TTC28: variants seen among roughly 807,000 people sequenced by gnomAD.
TTC28 encodes the protein tetratricopeptide repeat protein 28.
A neutral mutation model predicts 198.0 loss-of-function variants in TTC28; 61 were observed. The ratio of observed to expected loss-of-function variants is 0.31; its 90% CI spans 0.25 to 0.38. TTC28 has a LOEUF of 0.38. Ranked by LOEUF, TTC28 falls within the 10% of genes least tolerant of loss-of-function variation. TTC28 has a pLI of 1.00. For missense variants in TTC28, 2,678 were observed against 3,164.0 expected (o/e 0.85, Z 3.69); for synonymous variants, 1,171 against 1,297.8 (o/e 0.90, Z 2.10).
At chr22:28,452,350 AC>A (rs2047793265) in intron 2 of TTC28, among the ~76,000 whole-genome samples, 2 of 127,314 alleles carry the variant, frequency 1.6e-5, no homozygotes, top group African/African-American at 6.0e-5. Flanking sequence ...AGATTGTGCC[AC>A]TGCACTCCAG....
chr22:28,587,340 A>C lies in TTC28; in HGVS notation c.381+42212T>G, dbSNP rs2050336672. On this transcript the variant is annotated intron_variant, in intron 2 of 22. Coordinates refer to ENST00000397906, the MANE Select transcript of TTC28 (RefSeq NM_001145418.2). ...AGCGGAAATCGTGCCACTGCACTCC[A>C]ACCTGGGTGTGAGAGTCTGTCTCAA... 4.6e-5 allele frequency among the ~76,000 whole-genome samples: 7 copies of C among 152,214 alleles called. No individual in the cohort carries two copies. The South Asian group carries it at 1.4e-3, about 32-fold the overall frequency.
At chr22:28,240,047 G>A (rs1309263021) in intron 5 of TTC28, among the ~76,000 whole-genome samples, 2 of 152,212 alleles carry the variant, frequency 1.3e-5, no homozygotes, top group Non-Finnish European at 2.9e-5. Context: ...CTAGATGACA[G>A]AAATGAATGA....
chr22:28,332,039 C>T (rs1329018020), intron 2 of TTC28, among the ~76,000 whole-genome samples: 1 of 152,090 alleles, frequency 6.6e-6, no homozygotes, highest in Non-Finnish European at 1.5e-5. Flanking sequence ...CTGACACTTG[C>T]ATATGAGTCT....
chr22:28,491,347 T>A (rs2048374481), intron 2 of TTC28, among the ~76,000 whole-genome samples: 1 of 152,114 alleles, frequency 6.6e-6, no homozygotes, highest in Non-Finnish European at 1.5e-5. Context: ...AGAAAATTTT[T>A]GCAATCTACT....
chr22:28,552,606 T>C (rs887365675), intron 2 of TTC28, among the ~76,000 whole-genome samples: 2 of 151,916 alleles, frequency 1.3e-5, no homozygotes, highest in Non-Finnish European at 2.9e-5. Flanking sequence ...TTTGGCAAAG[T>C]AAACAAAAAC....
chr22:28,100,938 AGCAGT>A (rs1942127761), intron 9 of TTC28, among the ~76,000 whole-genome samples: 1 of 152,236 alleles, frequency 6.6e-6, no homozygotes, highest in Non-Finnish European at 1.5e-5. Context: ...GGGGAGCAAT[AGCAGT>A]TAATATAAAA....
intron 5 of TTC28, among the ~76,000 whole-genome samples, chr22:28,284,320 G>T (rs1276023319): frequency 6.6e-6 from 1 of 152,114 alleles, no homozygotes; most frequent in Non-Finnish European, 1.5e-5. Flanking sequence ...AAATATATGG[G>T]AAGTGCTGTA....
Position 28,237,860 on chromosome 22 carries a change from C to A in TTC28, c.933+58338G>T, listed in dbSNP as rs542452759. 3.9e-5 allele frequency among the ~76,000 whole-genome samples: 6 copies of A among 152,230 alleles called. No individual in the cohort carries two copies. In the South Asian group the frequency reaches 1.2e-3, roughly 32 times the overall value. ...GTTGACTTCACCTCTATTTTTGAAG[C>A]AGATTTTTGCTAGATACTGAATTCT... On this transcript the variant is annotated intron_variant, in intron 5 of 22. Coordinates refer to ENST00000397906, the MANE Select transcript of TTC28 (RefSeq NM_001145418.2).
In TTC28 at chr22:27,983,206, TTGC is replaced by T. The variant is rs901079272; in HGVS notation, c.6458_6460del (p.Ser2153del). ...TAACTCTTGTGGATCCAGTTTTGGG[TTGC>T]TTTCTTCTTGGGATTTCACGGTACT... On this transcript the variant is annotated inframe_deletion, in exon 23 of 23. Transcript: ENST00000397906. The T allele has an allele frequency of 1.0e-5, 16 of 1,551,696 alleles. No individual in the cohort carries two copies. Among genetic ancestry groups the T allele is most frequent in the Middle Eastern group, 1.7e-4 (1 of 6,014 alleles).
intron 9 of TTC28, among the ~76,000 whole-genome samples, chr22:28,100,679 G>A (rs1942116198): frequency 6.6e-6 from 1 of 152,132 alleles, no homozygotes; most frequent in South Asian, 2.1e-4. Context: ...GATCTTAGAT[G>A]CAGCCATCTC....
chr22:28,253,295 T>C (rs1431663297), intron 5 of TTC28, among the ~76,000 whole-genome samples: 3 of 152,190 alleles, frequency 2.0e-5, no homozygotes, highest in African/African-American at 7.2e-5. Flanking sequence ...AGATAAATAG[T>C]TATAGTTCTG....
chr22:28,607,152 G>A (rs1035491907), intron 2 of TTC28, among the ~76,000 whole-genome samples: 1 of 152,116 alleles, frequency 6.6e-6, no homozygotes, highest in Non-Finnish European at 1.5e-5. Flanking sequence ...GCATCGTCCT[G>A]TCACATTTTT....
At chr22:28,414,956 T>C (rs1297049337) in intron 2 of TTC28, among the ~76,000 whole-genome samples, 2 of 152,228 alleles carry the variant, frequency 1.3e-5, no homozygotes, top group African/African-American at 4.8e-5. Flanking sequence ...ACTTTTAATA[T>C]TTTAATCGCA....
chr22:28,494,322 A>G (rs2048422188), intron 2 of TTC28, among the ~76,000 whole-genome samples: 1 of 152,216 alleles, frequency 6.6e-6, no homozygotes, highest in African/African-American at 2.4e-5. Context: ...CATCAATCTA[A>G]GATGGTTCCA....
rs1937101360 is a variant in TTC28, at chr22:27,983,673, A to G, written c.5994T>C (p.Ile1998=). ...DAISVYSLSS[I]ASSMSFVSKP... The stretch of plus-strand genomic sequence containing the variant: ...TGGAGACAAAGCTCATTGAGGAGGC[A>G]ATGGAGCTCAGACTGTACACAGAGA... The change falls in exon 23 of 23, where the codon ATT becomes ATC. Residue 1998 remains isoleucine (I), a synonymous_variant. Coordinates refer to ENST00000397906, the MANE Select transcript of TTC28 (RefSeq NM_001145418.2). 1 of 1,546,844 alleles carries G rather than the reference A, an allele frequency of 6.5e-7. No individual in the cohort carries two copies. Among genetic ancestry groups the G allele is most frequent in the East Asian group, 2.4e-5 (1 of 40,862 alleles).
At chr22:28,125,777 A>G (rs1465494138) in intron 6 of TTC28, among the ~76,000 whole-genome samples, 1 of 152,238 alleles carries the variant, frequency 6.6e-6, no homozygotes, top group East Asian at 1.9e-4. Context: ...TTTATTCAGC[A>G]TAGAAATATG....
chr22:28,612,654 A>C (rs1376522573), intron 2 of TTC28, among the ~76,000 whole-genome samples: 1 of 152,218 alleles, frequency 6.6e-6, no homozygotes, highest in Non-Finnish European at 1.5e-5. Flanking sequence ...TAGTGCAATC[A>C]AATTAGAACT....
chr22:28,020,721 T>C (rs1228334559), intron 13 of TTC28, among the ~76,000 whole-genome samples: 1 of 151,954 alleles, frequency 6.6e-6, no homozygotes, highest in East Asian at 1.9e-4. Context: ...ACACTCAGCT[T>C]AAAGAGTGAA....
At chr22:27,983,892 C>T in intron 22 of TTC28, 41 bp from the exon 23 acceptor site, 1 of 1,507,370 alleles carries the variant, frequency 6.6e-7, no homozygotes, top group Non-Finnish European at 8.8e-7. Context: ...AGTTAGAATT[C>T]TATATGGTTT....
Sources: gnomAD v4.1 joint callset for allele counts (sites outside exome capture counted in the v4.1 genomes callset) on GRCh38, gnomAD v4.1.1 for gene constraint, MANE v1.5 for transcripts, NCBI Gene and HGNC (gene_info 2026-07-23, HGNC 2026-07-21) for gene names.